DYM: variants seen among roughly 807,000 people sequenced by gnomAD.
DYM encodes the protein dyggve-Melchior-Clausen syndrome protein.
A neutral mutation model predicts 93.1 loss-of-function variants in DYM; 78 were observed. The ratio of observed to expected loss-of-function variants is 0.84; its 90% CI spans 0.70 to 1.01. The LOEUF is 1.01. DYM is among the 50% of genes least tolerant of loss of function. DYM has a pLI of 0.00. For missense variants in DYM, 789 were observed against 845.0 expected (o/e 0.93, Z 0.82); for synonymous variants, 321 against 319.7 (o/e 1.00, Z -0.04).
At chr18:49,209,932 T>C (rs890720344) in intron 13 of DYM, among the ~76,000 whole-genome samples, 2 of 151,874 alleles carry the variant, frequency 1.3e-5, no homozygotes, top group Admixed American at 6.5e-5. Context: ...AGAGAAGATA[T>C]ACAGATGGCA....
At chr18:49,046,014 A>T (rs74970580) in intron 17 of DYM, among the ~76,000 whole-genome samples, 15,597 of 152,030 alleles carry the variant, frequency 0.1, 1,083 homozygotes, top group East Asian at 0.26. Flanking sequence ...CTGAACTAGG[A>T]TGATGCTAGC....
chr18:49,404,009 G>T lies in DYM; in HGVS notation c.141-12364C>A, dbSNP rs1285738594. 2.3e-4 allele frequency among the ~76,000 whole-genome samples: 33 copies of T among 145,606 alleles called. 1 individual carries two copies. In the South Asian group the frequency reaches 5.7e-3, roughly 25 times the overall value. On this transcript the variant is annotated intron_variant, in intron 2 of 17. Transcript: ENST00000675505. ...CTGTTGTTTTTTCTGTTTTTTTTTT[G>T]TTTGTTTGTTTGTTTTGAGATGGAG...
At chr18:49,071,247 C>T (rs2076863020) in intron 17 of DYM, among the ~76,000 whole-genome samples, 1 of 152,208 alleles carries the variant, frequency 6.6e-6, no homozygotes, top group Non-Finnish European at 1.5e-5. Flanking sequence ...GATTTGAATG[C>T]TTTCATTAGT....
intron 15 of DYM, among the ~76,000 whole-genome samples, chr18:49,155,492 C>T (rs2086300913): frequency 6.6e-6 from 1 of 152,204 alleles, no homozygotes; most frequent in South Asian, 2.1e-4. Flanking sequence ...AATTTTGAAA[C>T]ATTTCATCAC....
In DYM at chr18:49,051,102, C is replaced by T. The variant is rs558101393; in HGVS notation, c.2026-6898G>A. On this transcript the variant is annotated intron_variant, in intron 17 of 17. Transcript: ENST00000675505. ...AGAAGCTCAGGCCTTTCCTCTGGAG[C>T]CTCCCCAGGGTCAAAAGGGACCTGA... Among the ~76,000 whole-genome samples the T allele has an allele frequency of 1.7e-4, 26 of 152,298 alleles. No homozygotes were observed. The South Asian group carries it at 3.5e-3, about 21-fold the overall frequency.
intron 10 of DYM, among the ~76,000 whole-genome samples, chr18:49,276,705 TG>T (rs2094854561): frequency 6.6e-6 from 1 of 152,182 alleles, no homozygotes; most frequent in African/African-American, 2.4e-5. Context: ...TAAAGTGTCT[TG>T]TTAGCCACGT....
At chr18:49,242,439 ATAAAG>A (rs1310876665) in intron 13 of DYM, among the ~76,000 whole-genome samples, 7 of 152,198 alleles carry the variant, frequency 4.6e-5, no homozygotes, top group African/African-American at 1.7e-4. Context: ...ATAAAAATGC[ATAAAG>A]TAATCTGAGT....
chr18:49,342,453 T>G (rs1473604335), intron 6 of DYM, among the ~76,000 whole-genome samples: 1 of 152,218 alleles, frequency 6.6e-6, no homozygotes, highest in Non-Finnish European at 1.5e-5. Flanking sequence ...GATTAGAGCA[T>G]GTACATCTTT....
intron 8 of DYM, among the ~76,000 whole-genome samples, chr18:49,322,227 G>C (rs1467791540): frequency 6.6e-6 from 1 of 151,966 alleles, no homozygotes; most frequent in Non-Finnish European, 1.5e-5. Flanking sequence ...AAATTTTTTT[G>C]GATGGCTCAT....
At chr18:49,170,534 C>T (rs1425871293) in intron 14 of DYM, among the ~76,000 whole-genome samples, 2 of 152,022 alleles carry the variant, frequency 1.3e-5, no homozygotes, top group South Asian at 2.1e-4. Context: ...GTAATCCCAG[C>T]GCTTTGGGAG....
chr18:49,216,781 A>C (rs551069283), intron 13 of DYM, among the ~76,000 whole-genome samples: 1 of 152,308 alleles, frequency 6.6e-6, no homozygotes, highest in South Asian at 2.1e-4. Flanking sequence ...GACCAAAAGT[A>C]GATAAAACCA....
At chr18:49,282,227 A>G (rs1169767626) in intron 9 of DYM, 52 bp from the exon 10 acceptor site, 1 of 1,484,946 alleles carries the variant, frequency 6.7e-7, no homozygotes, top group Non-Finnish European at 9.4e-7. Context: ...CTTTATATAA[A>G]TAAAAATATT....
intron 6 of DYM, among the ~76,000 whole-genome samples, chr18:49,360,674 G>T (rs1319654353): frequency 6.6e-6 from 1 of 151,770 alleles, no homozygotes; most frequent in Non-Finnish European, 1.5e-5. Context: ...ATTACATCAG[G>T]AACACATGAA....
In DYM at chr18:49,127,701, C is replaced by T. The variant is rs1257383378; in HGVS notation, c.1729-8775G>A. On this transcript the variant is annotated intron_variant, in intron 15 of 17. Coordinates refer to ENST00000675505, the MANE Select transcript of DYM (RefSeq NM_001353214.3). ...TGGTGACAGACTCTTGTTATCTTTACGTTGCTAATTCACTGGTGCACACAC... is the reference window on the plus strand; with the variant it reads ...TGGTGACAGACTCTTGTTATCTTTATGTTGCTAATTCACTGGTGCACACAC... Among the ~76,000 whole-genome samples, 4 of 152,322 alleles carry T rather than the reference C, an allele frequency of 2.6e-5. No individual in the cohort carries two copies. In the East Asian group the frequency reaches 7.7e-4, roughly 29 times the overall value.
At chr18:49,073,466 C>G (rs1321839811) in intron 17 of DYM, among the ~76,000 whole-genome samples, 1 of 123,728 alleles carries the variant, frequency 8.1e-6, no homozygotes, top group Non-Finnish European at 1.7e-5. Context: ...ATAAAATAGT[C>G]AAATGAACAC....
intron 3 of DYM, chr18:49,391,333 T>C (rs2069231474): frequency 7.3e-6 from 3 of 412,524 alleles, no homozygotes; most frequent in Non-Finnish European, 1.4e-5. Context: ...ATTTCAAAAT[T>C]CACAAAAAGA....
At chr18:49,415,087 C>T (rs1039645463) in intron 2 of DYM, among the ~76,000 whole-genome samples, 3 of 151,762 alleles carry the variant, frequency 2.0e-5, no homozygotes, top group South Asian at 2.1e-4. Flanking sequence ...AGGGCTCAAG[C>T]GATTCTCCTG....
At chr18:49,434,842 G>T (rs992180851) in intron 1 of DYM, among the ~76,000 whole-genome samples, 5 of 151,690 alleles carry the variant, frequency 3.3e-5, no homozygotes, top group Non-Finnish European at 5.9e-5. Flanking sequence ...GGTGCATGGA[G>T]ATTTCAACAA....
At chr18:49,083,371 G>A (rs1048509545) in intron 17 of DYM, among the ~76,000 whole-genome samples, 2 of 152,142 alleles carry the variant, frequency 1.3e-5, no homozygotes, top group Admixed American at 1.3e-4. Flanking sequence ...TGGTTATGGT[G>A]TACAATCCTT....
Sources: allele counts gnomAD v4.1 joint callset (sites outside exome capture counted in the v4.1 genomes callset), GRCh38; gene constraint gnomAD v4.1.1; transcripts MANE v1.5; gene names NCBI Gene and HGNC (gene_info 2026-07-23, HGNC 2026-07-21).